Variants in SLC35F3 observed in about 807,000 individuals in gnomAD.
SLC35F3 encodes the protein putative thiamine transporter SLC35F3.
Under a neutral mutation model 49.9 loss-of-function variants are expected in SLC35F3, and 25 were observed. The ratio of observed to expected loss-of-function variants is 0.50; its 90% CI spans 0.37 to 0.70. The LOEUF is 0.70. SLC35F3 is among the 30% of genes least tolerant of loss of function. The pLI, the probability that SLC35F3 is intolerant of heterozygous loss-of-function variation, is 0.00. For synonymous variants in SLC35F3, 275 were observed against 265.4 expected (o/e 1.04, Z -0.35); for missense variants, 525 against 639.8 (o/e 0.82, Z 1.94).
chr1:234,231,792 A>C lies in SLC35F3; in HGVS notation c.608+51A>C, dbSNP rs1667382360. The C allele has an allele frequency of 6.5e-7, 1 of 1,532,492 alleles. No homozygotes were observed. The highest frequency in any genetic ancestry group is 8.9e-7 in the Non-Finnish European group (1 of 1,127,362). The allele number at this position is 1,532,492 out of a possible 1,614,324, so 94.9% of individuals were successfully genotyped here. The stretch of plus-strand genomic sequence containing the variant: ...CTCCTGACCCCGGGCTGCTCCATCC[A>C]GCGCTGACTCTGCAGAGCTGCCCCT... On this transcript the variant is annotated intron_variant, in intron 3 of 7. Coordinates refer to ENST00000366618, the MANE Select transcript of SLC35F3 (RefSeq NM_173508.4). The surrounding 1 kb of genome is among the most constrained non-coding windows in gnomAD (Gnocchi z 5.4).
intron 2 of SLC35F3, among the ~76,000 whole-genome samples, chr1:234,184,466 C>A (rs1379948): frequency 0.079 from 12,022 of 152,244 alleles, 1,309 homozygotes; most frequent in African/African-American, 0.25. Flanking sequence ...TAGAGAAAAC[C>A]ACCCAAGGAA....
intron 2 of SLC35F3, among the ~76,000 whole-genome samples, chr1:233,984,413 C>G (rs528950591): frequency 6.6e-6 from 1 of 152,184 alleles, no homozygotes; most frequent in Non-Finnish European, 1.5e-5. Context: ...GATGCTCAAT[C>G]CTGACCTCCC....
Position 234,231,391 on chromosome 1 carries a change from G to T in SLC35F3, c.284-26G>T. The T allele has an allele frequency of 2.7e-6, 4 of 1,478,900 alleles. No individual in the cohort carries two copies. Among genetic ancestry groups the T allele is most frequent in the Non-Finnish European group, 3.6e-6 (4 of 1,116,152 alleles). The allele number at this position is 1,478,900 out of a possible 1,614,324, so 91.6% of individuals were successfully genotyped here. ...GCAGGGGTGAAGGTCTGCAGGCCCC[G>T]CTAACCACGCCCTTCTCTTCCCCAG... On this transcript the variant is annotated intron_variant, in intron 2 of 7. Transcript: ENST00000366618. This position sits in a 1 kb window ranked among gnomAD's most constrained non-coding sequence, Gnocchi z 5.4.
intron 2 of SLC35F3, among the ~76,000 whole-genome samples, chr1:234,140,630 T>C (rs1477053323): frequency 6.6e-6 from 1 of 151,942 alleles, no homozygotes; most frequent in East Asian, 1.9e-4. Flanking sequence ...CTTCGGTAAA[T>C]CACACAAAAG....
intron 3 of SLC35F3, among the ~76,000 whole-genome samples, chr1:234,246,535 A>T (rs2102959636): frequency 6.6e-6 from 1 of 152,348 alleles, no homozygotes; most frequent in African/African-American, 2.4e-5. Flanking sequence ...AAGAGCAAAC[A>T]CACGATGTGT....
intron 2 of SLC35F3, among the ~76,000 whole-genome samples, chr1:234,178,153 C>T (rs926649170): frequency 1.3e-5 from 2 of 152,174 alleles, no homozygotes; most frequent in Non-Finnish European, 2.9e-5. Context: ...GTTGCCTCCT[C>T]TGAAAGACTA....
chr1:234,266,536 C>G (rs1401007496), intron 3 of SLC35F3, among the ~76,000 whole-genome samples: 1 of 152,210 alleles, frequency 6.6e-6, no homozygotes, highest in Non-Finnish European at 1.5e-5. Flanking sequence ...ATACAGTCTT[C>G]CATCATGTAA....
At chr1:233,925,258 G>A (rs1186071449) in intron 2 of SLC35F3, among the ~76,000 whole-genome samples, 1 of 152,132 alleles carries the variant, frequency 6.6e-6, no homozygotes, top group Non-Finnish European at 1.5e-5. Context: ...TTATTATTGT[G>A]TGGGAGTCTG....
intron 3 of SLC35F3, among the ~76,000 whole-genome samples, chr1:234,298,038 A>G (rs1335507423): frequency 6.6e-6 from 1 of 152,180 alleles, no homozygotes; most frequent in Non-Finnish European, 1.5e-5. Flanking sequence ...TTGTGGCATT[A>G]ATTGTGGAGT....
chr1:234,024,721 A>T (rs185986675), intron 2 of SLC35F3, among the ~76,000 whole-genome samples: 151 of 152,202 alleles, frequency 9.9e-4, no homozygotes, highest in Non-Finnish European at 1.5e-3. Context: ...CCATCAGTGG[A>T]TTATTTCCTT....
intron 2 of SLC35F3, among the ~76,000 whole-genome samples, chr1:234,137,220 T>C (rs1441415634): frequency 6.6e-6 from 1 of 152,200 alleles, no homozygotes; most frequent in Non-Finnish European, 1.5e-5. Flanking sequence ...GTAAAGCAGA[T>C]GTTTTATAGG....
intron 2 of SLC35F3, among the ~76,000 whole-genome samples, chr1:234,108,539 T>C (rs1377450153): frequency 2.8e-5 from 3 of 107,818 alleles, no homozygotes; most frequent in African/African-American, 1.1e-4. Context: ...ATATAAAAGA[T>C]ATATATTATT....
intron 2 of SLC35F3, among the ~76,000 whole-genome samples, chr1:233,996,868 C>A (rs1479404643): frequency 6.6e-6 from 1 of 152,184 alleles, no homozygotes; most frequent in Non-Finnish European, 1.5e-5. Context: ...ATTTGAATAG[C>A]TGGCAACTGG....
chr1:234,263,556 T>C (rs907517231), intron 3 of SLC35F3, among the ~76,000 whole-genome samples: 1 of 152,114 alleles, frequency 6.6e-6, no homozygotes, highest in Admixed American at 6.5e-5. Flanking sequence ...AGCAAGAACA[T>C]GAGTACCACC....
chr1:234,196,603 G>A (rs1382357214), intron 2 of SLC35F3, among the ~76,000 whole-genome samples: 1 of 152,218 alleles, frequency 6.6e-6, no homozygotes, highest in African/African-American at 2.4e-5. Flanking sequence ...AGCCCGAGGA[G>A]GGCAGATTCT....
At chr1:233,945,293 T>C (rs74365939) in intron 2 of SLC35F3, among the ~76,000 whole-genome samples, 2,621 of 152,188 alleles carry the variant, frequency 0.017, 55 homozygotes, top group African/African-American at 0.059. Flanking sequence ...CAGAGCACAG[T>C]TGGAAGTCCC....
rs117253076 is a variant in SLC35F3, at chr1:234,255,868, A to G, written c.608+24127A>G. ...TAATGGTAGATACATAACATTATGC[A>G]TTTATTTAAAACAAAAACAAACCAA... is the stretch of plus-strand genomic sequence containing the variant. On this transcript the variant is annotated intron_variant, in intron 3 of 7. Coordinates refer to ENST00000366618, the MANE Select transcript of SLC35F3 (RefSeq NM_173508.4). Among the ~76,000 whole-genome samples the G allele has an allele frequency of 2.3e-3, 343 of 152,342 alleles. 9 individuals carry two copies. The East Asian group carries it at 0.052, about 23-fold the overall frequency.
chr1:234,129,485 G>C (rs1489458000), intron 2 of SLC35F3, among the ~76,000 whole-genome samples: 1 of 152,144 alleles, frequency 6.6e-6, no homozygotes, highest in Admixed American at 6.5e-5. Context: ...TTTATGGTTT[G>C]GAAGACTCAA....
At chr1:234,278,590 C>T (rs1668253120) in intron 3 of SLC35F3, among the ~76,000 whole-genome samples, 1 of 152,118 alleles carries the variant, frequency 6.6e-6, no homozygotes, top group South Asian at 2.1e-4. Context: ...CTTGATTGGC[C>T]TCTTAGTCCT....
Sources: gnomAD v4.1 joint callset for allele counts (sites outside exome capture counted in the v4.1 genomes callset) on GRCh38, gnomAD v4.1.1 for gene constraint, Gnocchi (gnomAD v3.1) non-coding constraint, MANE v1.5 for transcripts, NCBI Gene and HGNC (gene_info 2026-07-23, HGNC 2026-07-21) for gene names.